SRGAP1: variants seen among roughly 807,000 people sequenced by gnomAD.
The protein encoded by SRGAP1 is SLIT-ROBO Rho GTPase-activating protein 1.
In SRGAP1, 43 loss-of-function variants were observed where a neutral mutation model predicts 121.9. The ratio of observed to expected loss-of-function variants is 0.35; its 90% confidence interval spans 0.28 to 0.46. The LOEUF is 0.46. SRGAP1 is among the 20% of genes least tolerant of loss of function. SRGAP1 has a pLI of 1.00. For synonymous variants in SRGAP1, 447 were observed against 485.4 expected (o/e 0.92, Z 1.04); for missense variants, 1,102 against 1,350.9 (o/e 0.82, Z 2.89).
At chr12:63,868,248 A>T (rs1166143590) in intron 1 of SRGAP1, among the ~76,000 whole-genome samples, 1 of 150,436 alleles carries the variant, frequency 6.6e-6, no homozygotes, top group African/African-American at 2.4e-5. Flanking sequence ...CACCCAGCTA[A>T]TTTTTTGTAT....
chr12:64,019,676 A>C (rs2034497003), intron 4 of SRGAP1, among the ~76,000 whole-genome samples: 1 of 152,134 alleles, frequency 6.6e-6, no homozygotes, highest in South Asian at 2.1e-4. Flanking sequence ...AAATCTATCC[A>C]TTATATTAAT....
intron 3 of SRGAP1, among the ~76,000 whole-genome samples, chr12:64,005,547 G>A (rs1300222547): frequency 6.6e-6 from 1 of 152,136 alleles, no homozygotes; most frequent in Non-Finnish European, 1.5e-5. Context: ...TTGGGAGGCA[G>A]AGGCAGGAGG....
intron 1 of SRGAP1, among the ~76,000 whole-genome samples, chr12:63,899,728 A>C (rs1445256407): frequency 6.6e-6 from 1 of 152,262 alleles, no homozygotes; most frequent in African/African-American, 2.4e-5. Context: ...CATTATGTAC[A>C]GGGAAACCTT....
chr12:63,854,085 A>G (rs73313491), intron 1 of SRGAP1, among the ~76,000 whole-genome samples: 22 of 152,172 alleles, frequency 1.4e-4, no homozygotes, highest in African/African-American at 5.3e-4. Flanking sequence ...AAAGAATAGT[A>G]GCTTTGAATA....
Position 63,916,279 on chromosome 12 carries a change from C to T in SRGAP1, c.68-67668C>T, listed in dbSNP as rs1040409862. ...AGCTCTAGGGATCTGCCCACCTTGA[C>T]CTCCCAAAGTGCTGGGATTACAGGC... On this transcript the variant is annotated intron_variant, in intron 1 of 21. Coordinates refer to ENST00000355086, the MANE Select transcript of SRGAP1 (RefSeq NM_020762.4). Among the ~76,000 whole-genome samples the T allele has an allele frequency of 3.0e-4, 46 of 152,120 alleles. 1 individual carries two copies. The highest frequency in any genetic ancestry group is 2.8e-3 in the Admixed American group (43 of 15,278).
chr12:64,124,848 A>G (rs2036662610), intron 18 of SRGAP1, among the ~76,000 whole-genome samples: 1 of 152,152 alleles, frequency 6.6e-6, no homozygotes, highest in Non-Finnish European at 1.5e-5. Context: ...GAGATCTCGT[A>G]TACCTTCTGC....
Position 63,984,060 on chromosome 12 carries a change from A to G in SRGAP1, c.181A>G (p.Thr61Ala). 3.2e-6 allele frequency: 5 copies of G among 1,558,772 alleles called. No homozygotes were observed. The highest frequency in any genetic ancestry group is 4.4e-6 in the Non-Finnish European group (5 of 1,145,996). The change falls in exon 2 of 22, where the codon ACG becomes GCG. Residue 61 changes from threonine to alanine, a missense_variant. Thr to Ala is a moderately conservative substitution (Grantham distance 58). Transcript: ENST00000355086. ...CTTCCGAAAAAAAGCTGAAATTGAGACGGAATATTCCCGGAATCTAGAGAA... is the reference window on the plus strand; with the variant it reads ...CTTCCGAAAAAAAGCTGAAATTGAGGCGGAATATTCCCGGAATCTAGAGAA... ...DFFRKKAEIE[T>A]EYSRNLEKLA... is the part of the protein sequence containing the mutation.
At position 64,118,163 on chromosome 12, in the gene SRGAP1, C is replaced by G. The variant is rs1592338119; in HGVS notation, c.2224+2270C>G. Among the ~76,000 whole-genome samples the G allele has an allele frequency of 2.6e-5, 4 of 152,286 alleles. No homozygotes were observed. In the Middle Eastern group the frequency reaches 0.014, roughly 522 times the overall value. ...TTCTATTTTTAAGTTTTTGAGGAAT[C>G]TCTGTGCTGTTTTCTGAAGCAGATG... On this transcript the variant is annotated intron_variant, in intron 18 of 21. Transcript: ENST00000355086.
chr12:63,877,482 G>C (rs1592907068), intron 1 of SRGAP1, among the ~76,000 whole-genome samples: 1 of 152,224 alleles, frequency 6.6e-6, no homozygotes, highest in East Asian at 1.9e-4. Flanking sequence ...ATGTGTCTTA[G>C]TCACATTTTC....
intron 1 of SRGAP1, among the ~76,000 whole-genome samples, chr12:63,885,356 G>A (rs1900343111): frequency 1.3e-5 from 2 of 152,130 alleles, no homozygotes; most frequent in Admixed American, 1.3e-4. Context: ...AGATGCCAAG[G>A]GCGAGGTATG....
chr12:64,106,928 A>G (rs2036354289), intron 15 of SRGAP1, among the ~76,000 whole-genome samples: 1 of 152,214 alleles, frequency 6.6e-6, no homozygotes, highest in South Asian at 2.1e-4. Flanking sequence ...TAAATTATAG[A>G]TTTATATTGA....
At chr12:64,120,281 C>G (rs2036585367) in intron 18 of SRGAP1, among the ~76,000 whole-genome samples, 1 of 152,066 alleles carries the variant, frequency 6.6e-6, no homozygotes, top group South Asian at 2.1e-4. Flanking sequence ...GTACAGATTT[C>G]TTGGAACTTT....
At chr12:64,030,800 A>G (rs542866076) in intron 4 of SRGAP1, among the ~76,000 whole-genome samples, 5 of 152,286 alleles carry the variant, frequency 3.3e-5, no homozygotes, top group Admixed American at 2.0e-4. Context: ...AGGTTCATCA[A>G]TTTAACAGTG....
intron 1 of SRGAP1, among the ~76,000 whole-genome samples, chr12:63,950,177 A>G (rs1318297885): frequency 6.6e-6 from 1 of 152,172 alleles, no homozygotes; most frequent in Non-Finnish European, 1.5e-5. Flanking sequence ...AAAGAAGGAG[A>G]GGAATAAAGC....
intron 15 of SRGAP1, among the ~76,000 whole-genome samples, chr12:64,102,569 C>T (rs2036274295): frequency 6.6e-6 from 1 of 152,158 alleles, no homozygotes; most frequent in African/African-American, 2.4e-5. Flanking sequence ...CCCGTTTACT[C>T]ATAACCACCA....
intron 1 of SRGAP1, among the ~76,000 whole-genome samples, chr12:63,881,432 A>G (rs910762777): frequency 3.3e-5 from 5 of 152,164 alleles, no homozygotes; most frequent in African/African-American, 1.2e-4. Flanking sequence ...GTTACTCATT[A>G]TTTGGGGGAC....
chr12:64,008,430 C>T (rs2034152696), intron 3 of SRGAP1, among the ~76,000 whole-genome samples: 1 of 152,146 alleles, frequency 6.6e-6, no homozygotes. Flanking sequence ...GACCAGTTAA[C>T]TGGCTGTAGT....
intron 1 of SRGAP1, among the ~76,000 whole-genome samples, chr12:63,953,303 AT>A (rs2032354488): frequency 6.7e-6 from 1 of 150,350 alleles, no homozygotes; most frequent in African/African-American, 2.4e-5. Flanking sequence ...TTTCTATTTT[AT>A]TTTTTTCATC....
chr12:64,044,481 T>C (rs2035086193), intron 6 of SRGAP1, among the ~76,000 whole-genome samples: 1 of 152,114 alleles, frequency 6.6e-6, no homozygotes, highest in African/African-American at 2.4e-5. Flanking sequence ...AGTTTTATTA[T>C]AGAATATTTT....
Sources: gnomAD v4.1 joint callset for allele counts (sites outside exome capture counted in the v4.1 genomes callset) on GRCh38, gnomAD v4.1.1 for gene constraint, MANE v1.5 for transcripts, NCBI Gene and HGNC (gene_info 2026-07-23, HGNC 2026-07-21) for gene names.